The following FARSA variants were observed in gnomAD, a reference collection of about 807,000 sequenced individuals.
FARSA encodes phenylalanine--tRNA ligase alpha subunit.
Under a neutral mutation model 63.2 loss-of-function variants are expected in FARSA, and 37 were observed. The observed-to-expected ratio is 0.59, with a 90% CI of 0.45 to 0.77. FARSA has a LOEUF of 0.77. Ranked by LOEUF, FARSA falls within the 30% of genes least tolerant of loss-of-function variation. The pLI, the probability that FARSA is intolerant of heterozygous loss-of-function variation, is 0.00. For missense variants in FARSA, 618 were observed against 696.6 expected (o/e 0.89, Z 1.27); for synonymous variants, 312 against 285.1 (o/e 1.09, Z -0.95).
intron 6 of FARSA, 24 bp downstream of exon 6, chr19:12,928,511 C>G: frequency 6.2e-7 from 1 of 1,613,880 alleles, no homozygotes; most frequent in Non-Finnish European, 8.5e-7. Flanking sequence ...AAGCACCAGG[C>G]ACCGCCCCCA....
chr19:12,924,554 A>T lies in FARSA; in HGVS notation c.1196-28T>A, dbSNP rs1208175233. ...GCAGGAAGTGGGGGGCGGGCAGGAG[A>T]GCAGGGGTTTGGAGGATAATGCTGG... On this transcript the variant is annotated intron_variant, in intron 10 of 12. Coordinates refer to ENST00000314606, the MANE Select transcript of FARSA (RefSeq NM_004461.3). This position sits in a 1 kb window ranked among gnomAD's most constrained non-coding sequence, Gnocchi z 6.4. The T allele has an allele frequency of 6.2e-7, 1 of 1,612,818 alleles. No individual in the cohort carries two copies. The highest frequency in any genetic ancestry group is 1.3e-5 in the African/African-American group (1 of 74,766).
chr19:12,924,263 G>C lies in FARSA; in HGVS notation c.1276C>G (p.Leu426Val). ...TTTCCGACCTCCACCCACTTCTTCAGGCCTGCAGAGGCAGGACAGAAAAGA... is the reference window on the plus strand; with the variant it reads ...TTTCCGACCTCCACCCACTTCTTCACGCCTGCAGAGGCAGGACAGAAAAGA... ...SMEVFSYHQG[L>V]KKWVEVGNSG... The change falls in exon 12 of 13, where the codon CTG becomes GTG. Residue 426 changes from leucine to valine, a missense_variant and splice_region_variant. Physicochemically the swap from Leu to Val is conservative, Grantham distance 32. Transcript: ENST00000314606. The surrounding 1 kb of genome is among the most constrained non-coding windows in gnomAD (Gnocchi z 6.4). 6.2e-7 allele frequency: 1 copy of C among 1,613,544 alleles called. No individual in the cohort carries two copies.
At chr19:12,923,763 T>G (rs544636533) in intron 12 of FARSA, among the ~76,000 whole-genome samples, 1 of 152,328 alleles carries the variant, frequency 6.6e-6, no homozygotes, top group East Asian at 1.9e-4. Flanking sequence ...TACAGGCATG[T>G]GCCACCACGC....
rs1364966045 is a variant in FARSA, at chr19:12,922,590, CCT to C, written c.*156_*157del. 1 of 880,294 alleles carries C rather than the reference CCT, an allele frequency of 1.1e-6. No homozygotes were observed. Among genetic ancestry groups the C allele is most frequent in the Non-Finnish European group, 1.7e-6 (1 of 582,720 alleles). The allele number at this position is 880,294 out of a possible 1,614,324, so 54.5% of individuals were successfully genotyped here. ...CAACAGAAGGAACCTGCTACCCAGT[CCT>C]CTGTCCCTGGGATTCTGGTCCTGGG... On this transcript the variant is annotated 3_prime_UTR_variant, in exon 13 of 13. Coordinates refer to ENST00000314606, the MANE Select transcript of FARSA (RefSeq NM_004461.3).
chr19:12,932,150 T>C (rs1446064002), intron 1 of FARSA, among the ~76,000 whole-genome samples: 2 of 149,282 alleles, frequency 1.3e-5, no homozygotes, highest in Admixed American at 1.4e-4. Context: ...TGCCTCAGCC[T>C]CCCAAGTAGC....
chr19:12,922,983 A>G (rs1971281656), intron 12 of FARSA, 97 bp from the exon 13 acceptor site: 2 of 1,548,410 alleles, frequency 1.3e-6, no homozygotes, highest in Non-Finnish European at 8.8e-7. Flanking sequence ...GAAAAGTTCA[A>G]GTTCTCCCCA....
At chr19:12,926,230 C>T (rs1290125811) in intron 7 of FARSA, among the ~76,000 whole-genome samples, 3 of 145,178 alleles carry the variant, frequency 2.1e-5, no homozygotes, top group Non-Finnish European at 4.5e-5. Flanking sequence ...GAATTACAGG[C>T]GTGAGCCACC....
At chr19:12,931,207 C>T (rs1369527932) in intron 1 of FARSA, among the ~76,000 whole-genome samples, 6 of 152,248 alleles carry the variant, frequency 3.9e-5, no homozygotes, top group Middle Eastern at 3.4e-3. Context: ...GCGATCCTTC[C>T]GCCAGTCCCG....
At chr19:12,932,244 G>C (rs1971405954) in intron 1 of FARSA, among the ~76,000 whole-genome samples, 1 of 151,928 alleles carries the variant, frequency 6.6e-6, no homozygotes, top group South Asian at 2.1e-4. Context: ...TCTTGGCCAG[G>C]CTGGTCTTGA....
chr19:12,932,354 T>C (rs1262472656), intron 1 of FARSA, among the ~76,000 whole-genome samples: 1 of 152,132 alleles, frequency 6.6e-6, no homozygotes, highest in African/African-American at 2.4e-5. Context: ...TATAATTATT[T>C]TTATGGCTAT....
At chr19:12,923,231 C>G (rs16978813) in intron 12 of FARSA, among the ~76,000 whole-genome samples, 3 of 152,088 alleles carry the variant, frequency 2.0e-5, no homozygotes, top group South Asian at 4.1e-4. Flanking sequence ...TCACTGACCA[C>G]GTAGTTGCCT....
Position 12,925,148 on chromosome 19 carries a change from T to C in FARSA, c.868A>G (p.Met290Val), listed in dbSNP as rs373922716. 37 of 1,602,374 alleles carry C rather than the reference T, an allele frequency of 2.3e-5. No individual in the cohort carries two copies. The African/African-American group carries it at 3.2e-4, about 14-fold the overall frequency. ...RDPAEALQLP[M>V]DYVQRVKRTH... Reference sequence around the variant, plus strand: ...CGCTTGACCCGCTGGACATAGTCCATTGGGAGCTGCAGGGCCTCCGCTGGA... The same window carrying C: ...CGCTTGACCCGCTGGACATAGTCCACTGGGAGCTGCAGGGCCTCCGCTGGA... Residue 290 changes from methionine (M) to valine (V), a missense_variant, in exon 8 of 13, where the codon ATG becomes GTG. Physicochemically the swap from Met to Val is conservative, Grantham distance 21. Coordinates refer to ENST00000314606, the MANE Select transcript of FARSA (RefSeq NM_004461.3).
chr19:12,930,159 C>G (rs1971373924), intron 4 of FARSA, 64 bp downstream of exon 4: 1 of 1,312,028 alleles, frequency 7.6e-7, no homozygotes, highest in Middle Eastern at 1.8e-4. Flanking sequence ...GTCTCCCTCC[C>G]ACCATGCCTC....
chr19:12,928,736 C>T lies in FARSA; in HGVS notation c.596+19G>A, dbSNP rs1342866963. 6.2e-7 allele frequency: 1 copy of T among 1,614,072 alleles called. No individual in the cohort carries two copies. The stretch of plus-strand genomic sequence containing the variant: ...CTGCCCCAGCTCCCACCTGCCCTGA[C>T]CCTGGGGTTGCCTGCTACCTGGAGA... On this transcript the variant is annotated intron_variant, in intron 5 of 12. Coordinates refer to ENST00000314606, the MANE Select transcript of FARSA (RefSeq NM_004461.3).
Position 12,930,329 on chromosome 19 carries a change from C to T in FARSA, c.397G>A (p.Glu133Lys), listed in dbSNP as rs1971376908. The T allele has an allele frequency of 6.2e-6, 10 of 1,614,162 alleles. No individual in the cohort carries two copies. The highest frequency in any genetic ancestry group is 8.5e-6 in the Non-Finnish European group (10 of 1,180,018). ...PRVFRVVDSMEDEVQRRLQLV... is the reference protein window; with the variant it reads ...PRVFRVVDSMKDEVQRRLQLV... ...TGGAGCCGCCGCTGCACCTCATCCT[C>T]CATGCTGTCCACCTGCCAGGATAAG... Residue 133 changes from glutamate to lysine, a missense_variant, in exon 4 of 13, where the codon GAG becomes AAG. Physicochemically the swap from Glu to Lys is moderately conservative, Grantham distance 56. Transcript: ENST00000314606.
intron 7 of FARSA, among the ~76,000 whole-genome samples, chr19:12,925,704 T>C (rs1428722275): frequency 6.6e-6 from 1 of 150,624 alleles, no homozygotes; most frequent in Non-Finnish European, 1.5e-5. Flanking sequence ...GATGGAGTCT[T>C]GCTCTGTTGC....
At position 12,930,762 on chromosome 19, in the gene FARSA, G is replaced by A. The variant is rs369143352; in HGVS notation, c.148-13C>T. 30 of 1,603,550 alleles carry A rather than the reference G, an allele frequency of 1.9e-5. No individual in the cohort carries two copies. In the African/African-American group the frequency reaches 2.9e-4, roughly 16 times the overall value. On this transcript the variant is annotated splice_polypyrimidine_tract_variant and intron_variant, in intron 1 of 12. Transcript: ENST00000314606. ...CAGCCTCGATGACCTAGAGGGAAAT[G>A]TGGGGAGGGTGTCCAGGCAGGGGTG...
At position 12,924,400 on chromosome 19, in the gene FARSA, T is replaced by C. The variant is rs751377875; in HGVS notation, c.1273+49A>G. On this transcript the variant is annotated intron_variant, in intron 11 of 12. Coordinates refer to ENST00000314606, the MANE Select transcript of FARSA (RefSeq NM_004461.3). The surrounding 1 kb of genome is among the most constrained non-coding windows in gnomAD (Gnocchi z 6.4). The stretch of plus-strand genomic sequence containing the variant: ...CAATGGGGGGACCCAGGCCAAACCA[T>C]AGTAGCCTGAGACCTCCCTCCCACC... The C allele has an allele frequency of 6.2e-5, 99 of 1,591,670 alleles. No individual in the cohort carries two copies. Among genetic ancestry groups the C allele is most frequent in the South Asian group, 9.9e-5 (9 of 90,650 alleles).
chr19:12,927,402 G>T (rs1971338659), intron 7 of FARSA, among the ~76,000 whole-genome samples: 1 of 151,604 alleles, frequency 6.6e-6, no homozygotes, highest in African/African-American at 2.4e-5. Flanking sequence ...TTTGAGACCA[G>T]CCTGGGCAAC....
Sources: gnomAD v4.1 joint callset for allele counts (sites outside exome capture counted in the v4.1 genomes callset) on GRCh38, gnomAD v4.1.1 for gene constraint, Gnocchi (gnomAD v3.1) non-coding constraint, MANE v1.5 for transcripts, NCBI Gene and HGNC (gene_info 2026-07-23, HGNC 2026-07-21) for gene names.